Variants in NUBPL observed in about 807,000 individuals in gnomAD.
NUBPL encodes the protein NUBP iron-sulfur cluster assembly factor, mitochondrial.
NUBPL carries 31 observed loss-of-function variants against 45.7 expected under a neutral mutation model. That is an observed-to-expected ratio of 0.68 (90% CI 0.51 to 0.92). The LOEUF is 0.92. Among genes scored for constraint, NUBPL ranks in the 40% least tolerant of loss-of-function variants. The pLI, the probability that NUBPL is intolerant of heterozygous loss-of-function variation, is 0.00. For missense variants in NUBPL, 401 were observed against 398.7 expected, an observed-to-expected ratio of 1.01 and a Z score of -0.05; for synonymous variants, 144 against 140.9, an observed-to-expected ratio of 1.02 and a Z score of -0.15.
At chr14:31,706,946 G>C (rs1020649137) in intron 6 of NUBPL, among the ~76,000 whole-genome samples, 1 of 152,202 alleles carries the variant, frequency 6.6e-6, no homozygotes. Context: ...GATTCTGTAA[G>C]TACTTTAAGG....
chr14:31,577,981 C>T (rs1379137169), intron 3 of NUBPL: 1 of 1,288,956 alleles, frequency 7.8e-7, no homozygotes, highest in African/African-American at 1.5e-5. Context: ...CGTCTTAAAT[C>T]ATCTGCCACT....
intron 10 of NUBPL, among the ~76,000 whole-genome samples, chr14:31,856,327 C>A (rs866994119): frequency 6.6e-6 from 1 of 152,050 alleles, no homozygotes; most frequent in East Asian, 1.9e-4. Flanking sequence ...CAATCACCTC[C>A]CACCAGGTTC....
intron 4 of NUBPL, among the ~76,000 whole-genome samples, chr14:31,619,013 G>A (rs543021690): frequency 1.4e-4 from 21 of 152,262 alleles, no homozygotes; most frequent in Non-Finnish European, 3.1e-4. Context: ...AGCTCTTCTT[G>A]TTGCATTGAT....
intron 4 of NUBPL, among the ~76,000 whole-genome samples, chr14:31,629,885 T>C (rs1246661077): frequency 6.6e-6 from 1 of 152,166 alleles, no homozygotes; most frequent in South Asian, 2.1e-4. Context: ...CTTCTTTTCT[T>C]TGGACCATTC....
intron 6 of NUBPL, among the ~76,000 whole-genome samples, chr14:31,751,776 A>G (rs576135035): frequency 1.2e-4 from 19 of 152,332 alleles, no homozygotes; most frequent in African/African-American, 4.6e-4. Flanking sequence ...TTCAAACCCC[A>G]TATTTTCCCT....
intron 7 of NUBPL, among the ~76,000 whole-genome samples, chr14:31,813,084 G>A (rs2039843874): frequency 6.6e-6 from 1 of 150,636 alleles, no homozygotes; most frequent in Admixed American, 6.6e-5. Flanking sequence ...TGCCTCCTGG[G>A]TTCACGCCAT....
intron 6 of NUBPL, among the ~76,000 whole-genome samples, chr14:31,735,650 G>A (rs1013931048): frequency 6.6e-6 from 1 of 151,732 alleles, no homozygotes; most frequent in African/African-American, 2.4e-5. Context: ...CCAGGAGTTC[G>A]AGACCAGCCT....
intron 7 of NUBPL, among the ~76,000 whole-genome samples, chr14:31,822,301 T>A (rs2040031051): frequency 1.3e-5 from 2 of 152,118 alleles, no homozygotes; most frequent in Admixed American, 6.5e-5. Context: ...ATGGACCCCT[T>A]AAATATATAT....
At chr14:31,705,002 T>C (rs1428488534) in intron 6 of NUBPL, among the ~76,000 whole-genome samples, 1 of 152,218 alleles carries the variant, frequency 6.6e-6, no homozygotes, top group African/African-American at 2.4e-5. Context: ...GGAGTGAAAC[T>C]GCAGACCTTC....
At chr14:31,799,080 A>G (rs192437726) in intron 7 of NUBPL, among the ~76,000 whole-genome samples, 37 of 152,298 alleles carry the variant, frequency 2.4e-4, no homozygotes, top group South Asian at 1.4e-3. Context: ...TTGCATTTCT[A>G]TAAGCTATGT....
At chr14:31,819,448 A>AGGCTC (rs2039978539) in intron 7 of NUBPL, among the ~76,000 whole-genome samples, 1 of 152,160 alleles carries the variant, frequency 6.6e-6, no homozygotes, top group Non-Finnish European at 1.5e-5. Flanking sequence ...CATGTCTAGT[A>AGGCTC]GGCTCCAGCA....
chr14:31,595,877 G>C (rs1457140764), intron 3 of NUBPL, among the ~76,000 whole-genome samples: 2 of 149,814 alleles, frequency 1.3e-5, no homozygotes, highest in Non-Finnish European at 3.0e-5. Flanking sequence ...ATTAATGTAT[G>C]CTTTGGTGTT....
chr14:31,623,254 T>G (rs1428564064), intron 4 of NUBPL, among the ~76,000 whole-genome samples: 2 of 152,226 alleles, frequency 1.3e-5, no homozygotes, highest in African/African-American at 2.4e-5. Context: ...CCCCATTGTA[T>G]CTTGCAAGTA....
chr14:31,741,289 A>T (rs75107322), intron 6 of NUBPL, among the ~76,000 whole-genome samples: 2,550 of 152,290 alleles, frequency 0.017, 40 homozygotes, highest in Non-Finnish European at 0.028. Context: ...AGTACATCTC[A>T]GTTTTTTAAT....
intron 4 of NUBPL, among the ~76,000 whole-genome samples, chr14:31,660,818 A>G (rs770015135): frequency 2.0e-5 from 3 of 152,190 alleles, no homozygotes; most frequent in Non-Finnish European, 2.9e-5. Flanking sequence ...TCTAAGGCTT[A>G]TTGCTAATAC....
In NUBPL at chr14:31,846,458, G is replaced by A. The variant is rs768211722; in HGVS notation, c.694-13G>A. On this transcript the variant is annotated splice_polypyrimidine_tract_variant and intron_variant, in intron 8 of 10. Coordinates refer to ENST00000281081, the MANE Select transcript of NUBPL (RefSeq NM_025152.3). ...TTTAATTTTATTTTGATTTCAGTGT[G>A]TTTTTATTCTAGGTCCTTGGCCTTG... The A allele has an allele frequency of 2.5e-6, 4 of 1,605,100 alleles. No homozygotes were observed. In the Admixed American group the frequency reaches 6.7e-5, roughly 27 times the overall value.
intron 9 of NUBPL, among the ~76,000 whole-genome samples, chr14:31,847,762 A>G (rs1454969370): frequency 6.6e-6 from 1 of 152,204 alleles, no homozygotes; most frequent in Admixed American, 6.5e-5. Flanking sequence ...GATGTTAAAT[A>G]TATTATTGTT....
At chr14:31,808,177 G>A (rs761114506) in intron 7 of NUBPL, among the ~76,000 whole-genome samples, 4 of 152,216 alleles carry the variant, frequency 2.6e-5, no homozygotes, top group Non-Finnish European at 4.4e-5. Context: ...TTGGTAGCTT[G>A]ATGGGGATGG....
At chr14:31,784,447 C>A (rs1234504495) in intron 6 of NUBPL, among the ~76,000 whole-genome samples, 1 of 151,968 alleles carries the variant, frequency 6.6e-6, no homozygotes, top group Non-Finnish European at 1.5e-5. Context: ...TCCCTGACAC[C>A]CTTTATTCAT....
Sources: gnomAD v4.1 joint callset for allele counts (sites outside exome capture counted in the v4.1 genomes callset) on GRCh38, gnomAD v4.1.1 for gene constraint, MANE v1.5 for transcripts, NCBI Gene and HGNC (gene_info 2026-07-23, HGNC 2026-07-21) for gene names.